The following ITGB2 variants were observed in gnomAD, a reference collection of about 807,000 sequenced individuals.
ITGB2 encodes integrin beta-2.
A neutral mutation model predicts 86.8 loss-of-function variants in ITGB2; 56 were observed. That is an observed-to-expected ratio of 0.65 (90% confidence interval 0.52 to 0.81). The LOEUF is 0.81. Ranked by LOEUF, ITGB2 falls within the 30% of genes least tolerant of loss-of-function variation. The pLI is 0.00. For missense variants in ITGB2, 948 were observed against 1,061.2 expected, an observed-to-expected ratio of 0.89 and a Z score of 1.48; for synonymous variants, 457 against 450.4, an observed-to-expected ratio of 1.01 and a Z score of -0.19.
At chr21:44,901,869 A>AGT (rs2083964654) in intron 5 of ITGB2, 136 bp from the exon 6 acceptor site, 4 of 965,082 alleles carry the variant, frequency 4.1e-6, no homozygotes, top group African/African-American at 3.3e-5. Flanking sequence ...GCACATGTGG[A>AGT]GTGTGTGTGT....
chr21:44,928,606 AGGGTC>A lies in ITGB2; in HGVS notation c.-4+43_-4+47del, dbSNP rs559441888. ...AACTGACCAGAGAGCAGGGCTCCCG[AGGGTC>A]GGGTCGGGTCGGGTCGGGTTGGGTC... is the stretch of plus-strand genomic sequence containing the variant. On this transcript the variant is annotated intron_variant, in intron 1 of 15. Coordinates refer to the ITGB2 transcript ENST00000355153. 397 of 134,688 alleles carry A rather than the reference AGGGTC, an allele frequency of 2.9e-3. 1 individual carries two copies. Among genetic ancestry groups the A allele is most frequent in the Middle Eastern group, 0.011 (3 of 274 alleles). 8.3% of individuals were successfully genotyped at this position (134,688 alleles called of 1,614,324 possible). A position where few individuals can be genotyped will look rare whatever the true frequency, so the allele number is the denominator to read the frequency against.
chr21:44,920,086 G>A (rs2084278588), intron 1 of ITGB2, among the ~76,000 whole-genome samples: 1 of 152,166 alleles, frequency 6.6e-6, no homozygotes, highest in Non-Finnish European at 1.5e-5. Flanking sequence ...ACGTCACCCA[G>A]GGGTCCCCAC....
intron 1 of ITGB2, among the ~76,000 whole-genome samples, chr21:44,915,302 G>A (rs2084192046): frequency 6.6e-6 from 1 of 152,116 alleles, no homozygotes; most frequent in African/African-American, 2.4e-5. Flanking sequence ...GGGATTACAG[G>A]CGTGAGCCAC....
rs376335219 is a variant in ITGB2, at chr21:44,902,422, CGT to C, written c.500-691_500-690del. Among the ~76,000 whole-genome samples, 14 of 144,862 alleles carry C rather than the reference CGT, an allele frequency of 9.7e-5. No homozygotes were observed. The East Asian group carries it at 2.3e-3, about 24-fold the overall frequency. On this transcript the variant is annotated intron_variant, in intron 5 of 15. Coordinates refer to ENST00000652462, the MANE Select transcript of ITGB2 (RefSeq NM_000211.5). ...ATTTGTGCATGTGAGCATACATTCG[CGT>C]GTGTGAGCATGCATTTGCGTGTGAG...
chr21:44,914,998 T>C (rs1436030125), intron 1 of ITGB2, among the ~76,000 whole-genome samples: 3 of 152,090 alleles, frequency 2.0e-5, no homozygotes, highest in Non-Finnish European at 2.9e-5. Context: ...GCAGAGCCTA[T>C]GCTGGGAGAG....
chr21:44,894,725 C>T (rs1424936261), intron 9 of ITGB2: 3 of 563,996 alleles, frequency 5.3e-6, no homozygotes, highest in East Asian at 3.1e-5. Flanking sequence ...AATGAAGAGT[C>T]CGGAGCTCAG....
chr21:44,893,164 G>A (rs999031107), intron 10 of ITGB2: 9 of 484,922 alleles, frequency 1.9e-5, no homozygotes, highest in African/African-American at 3.9e-5. Context: ...GTCTGGCCTC[G>A]GCAGAGAGGA....
Position 44,899,059 on chromosome 21 carries a change from G to C in ITGB2, c.993+8C>G. ...CCCAATGGATGCTCGGGACCCAACA[G>C]CACTCACCTCGTAGGTCTTCACCAT... On this transcript the variant is annotated splice_region_variant and intron_variant, in intron 8 of 15. Coordinates refer to ENST00000652462, the MANE Select transcript of ITGB2 (RefSeq NM_000211.5). The C allele has an allele frequency of 6.2e-7, 1 of 1,607,752 alleles. No individual in the cohort carries two copies. The highest frequency in any genetic ancestry group is 1.3e-5 in the African/African-American group (1 of 74,920).
chr21:44,913,107 C>T (rs2084156776), intron 1 of ITGB2, among the ~76,000 whole-genome samples: 1 of 138,062 alleles, frequency 7.2e-6, no homozygotes, highest in Non-Finnish European at 1.6e-5. Context: ...CCCCAGGGTG[C>T]AGGGTCCAGC....
At chr21:44,925,146 T>TG (rs2084355705), upstream of ITGB2, among the ~76,000 whole-genome samples, 1 of 151,886 alleles carries the variant, frequency 6.6e-6, no homozygotes, top group Admixed American at 6.6e-5. Context: ...TCTTTTTTTT[T>TG]TTTTTAAAGG....
At chr21:44,886,998 G>A (rs2083710110) in intron 14 of ITGB2, 96 bp from the exon 15 acceptor site, 1 of 1,481,706 alleles carries the variant, frequency 6.7e-7, no homozygotes, top group Non-Finnish European at 9.2e-7. Context: ...ACAGCACTTA[G>A]AGAGACGGAG....
chr21:44,921,334 AC>A (rs1260307809), upstream of ITGB2: 1 of 152,440 alleles, frequency 6.6e-6, no homozygotes, highest in East Asian at 1.9e-4. Context: ...AGAGGTGGGA[AC>A]AGGCAAGAAA....
chr21:44,889,766 C>T (rs889636440), intron 12 of ITGB2, among the ~76,000 whole-genome samples: 4 of 152,224 alleles, frequency 2.6e-5, no homozygotes, highest in South Asian at 2.1e-4. Flanking sequence ...CCCACAAGGA[C>T]GCCTTGTCCT....
At chr21:44,918,778 C>T (rs914063359) in intron 1 of ITGB2, among the ~76,000 whole-genome samples, 1 of 152,226 alleles carries the variant, frequency 6.6e-6, no homozygotes, top group Non-Finnish European at 1.5e-5. Context: ...CCCTGTGGTT[C>T]AGGTGAGAAG....
At chr21:44,921,049 C>T (rs2084297541), upstream of ITGB2, 2 of 152,284 alleles carry the variant, frequency 1.3e-5, no homozygotes, top group African/African-American at 4.8e-5. Context: ...AGAGAGCGGC[C>T]CCTTGAGACA....
At position 44,900,490 on chromosome 21, in the gene ITGB2, TG is replaced by T. The variant is rs760281688; in HGVS notation, c.742-16del. The T allele has an allele frequency of 9.3e-6, 15 of 1,613,156 alleles. No homozygotes were observed. In the East Asian group the frequency reaches 2.7e-4, roughly 29 times the overall value. On this transcript the variant is annotated splice_polypyrimidine_tract_variant and intron_variant, in intron 6 of 15. Coordinates refer to ENST00000652462, the MANE Select transcript of ITGB2 (RefSeq NM_000211.5). ...CCGATTTCCTCCTGAGAAGAAGGCG[TG>T]GGGGGCAGGGTTACCTGCCTCAGTT...
rs145385843 is a variant in ITGB2, at chr21:44,886,398, C to T, written c.2280G>A (p.Thr760=). 39 of 1,614,138 alleles carry T rather than the reference C, an allele frequency of 2.4e-5. No individual in the cohort carries two copies. In the Middle Eastern group the frequency reaches 9.9e-4, roughly 41 times the overall value. Residue 760 remains threonine, a synonymous_variant, in exon 16 of 16, where the codon ACG becomes ACA. Coordinates refer to ENST00000652462, the MANE Select transcript of ITGB2 (RefSeq NM_000211.5). The part of the protein sequence containing the change: ...DNPLFKSATT[T]VMNPKFAES ...TCTCAGCAAACTTGGGGTTCATGAC[C>T]GTCGTGGTGGCGCTCTTGAAAAGGG...
upstream of ITGB2, among the ~76,000 whole-genome samples, chr21:44,923,262 G>C (rs1344965053): frequency 6.6e-6 from 1 of 152,100 alleles, no homozygotes; most frequent in Non-Finnish European, 1.5e-5. Flanking sequence ...AAGGGAGAGA[G>C]ACCCTTTAGA....
At chr21:44,893,747 C>A in intron 9 of ITGB2, 1 of 638,046 alleles carries the variant, frequency 1.6e-6, no homozygotes. Flanking sequence ...GACAGCCTGA[C>A]CACAGGGACT....
Sources: gnomAD v4.1 joint callset for allele counts (sites outside exome capture counted in the v4.1 genomes callset) on GRCh38, gnomAD v4.1.1 for gene constraint, MANE v1.5 for transcripts, NCBI Gene and HGNC (gene_info 2026-07-23, HGNC 2026-07-21) for gene names.